ALS2: variants seen among roughly 807,000 people sequenced by gnomAD.
The protein encoded by ALS2 is alsin Rho guanine nucleotide exchange factor ALS2, also known as alsin.
In ALS2, 117 loss-of-function variants were observed where a neutral mutation model predicts 203.4. That is an observed-to-expected ratio of 0.58 (90% CI 0.50 to 0.67). The LOEUF (loss-of-function observed/expected upper bound fraction) is 0.67. Ranked by LOEUF, ALS2 falls within the 30% of genes least tolerant of loss-of-function variation. The pLI, the probability that ALS2 is intolerant of heterozygous loss-of-function variation, is 0.00. For synonymous variants in ALS2, 718 were observed against 725.9 expected (o/e 0.99, Z 0.17); for missense variants, 1,715 against 1,989.4 (o/e 0.86, Z 2.62).
At position 201,760,395 on chromosome 2, in the gene ALS2, T is replaced by G. The variant is rs6747605; in HGVS notation, c.1113+486A>C. On this transcript the variant is annotated intron_variant, in intron 4 of 33. Coordinates refer to ENST00000264276, the MANE Select transcript of ALS2 (RefSeq NM_020919.4). ...GACCACAGCTATAATTGAAAAAAACTGAAACATGTAATTGCCTGTAAGTTT... is the reference window on the plus strand; with the variant it reads ...GACCACAGCTATAATTGAAAAAAACGGAAACATGTAATTGCCTGTAAGTTT... The G allele has an allele frequency of 1.8e-3, 1,741 of 987,108 alleles. 3 individuals are homozygous for G. The highest frequency in any genetic ancestry group is 0.013 in the Middle Eastern group (25 of 1,914). 61.1% of individuals were successfully genotyped at this position (987,108 alleles called of 1,614,324 possible).
intron 12 of ALS2, among the ~76,000 whole-genome samples, chr2:201,736,164 C>T (rs2106030000): frequency 1.3e-5 from 2 of 152,152 alleles, no homozygotes; most frequent in Middle Eastern, 3.4e-3. Flanking sequence ...AACAATAAGT[C>T]CATCCATGTG....
At chr2:201,736,494 C>G (rs1192340723) in intron 12 of ALS2, among the ~76,000 whole-genome samples, 1 of 151,896 alleles carries the variant, frequency 6.6e-6, no homozygotes, top group Admixed American at 6.6e-5. Context: ...CCTTAAATGG[C>G]TACATTAGAA....
At chr2:201,773,456 C>T in intron 1 of ALS2, among the ~76,000 whole-genome samples, 1 of 152,106 alleles carries the variant, frequency 6.6e-6, no homozygotes, top group East Asian at 1.9e-4. Flanking sequence ...GAAATGATCC[C>T]TGGTTCTGCC....
intron 24 of ALS2, among the ~76,000 whole-genome samples, chr2:201,717,234 G>A (rs1012719213): frequency 1.3e-5 from 2 of 152,096 alleles, no homozygotes; most frequent in African/African-American, 4.8e-5. Context: ...AGAGGCCAAA[G>A]TGGGTGGATC....
At chr2:201,704,930 T>C (rs1210756297) in intron 31 of ALS2, among the ~76,000 whole-genome samples, 2 of 152,204 alleles carry the variant, frequency 1.3e-5, no homozygotes, top group Non-Finnish European at 2.9e-5. Context: ...CTTGGCTCTC[T>C]CCTACTTTTG....
chr2:201,744,685 T>C (rs940678169), intron 9 of ALS2, among the ~76,000 whole-genome samples: 29 of 152,160 alleles, frequency 1.9e-4, no homozygotes, highest in African/African-American at 6.3e-4. Context: ...ACATCATTGT[T>C]ATATATGCAT....
chr2:201,726,348 C>T, intron 19 of ALS2, 136 bp downstream of exon 19: 1 of 820,312 alleles, frequency 1.2e-6, no homozygotes, highest in Non-Finnish European at 2.0e-6. Context: ...TCTCTTCATG[C>T]TCATACATGT....
At chr2:201,733,463 T>A (rs749136277) in intron 12 of ALS2, 25 bp from the exon 13 acceptor site, 5 of 1,605,800 alleles carry the variant, frequency 3.1e-6, no homozygotes, top group Non-Finnish European at 4.3e-6. Context: ...AAAAAAAATT[T>A]AGTTAATCAT....
At position 201,705,479 on chromosome 2, in the gene ALS2, AATT is replaced by A. The variant is rs1368435958; in HGVS notation, c.4581-21_4581-19del. The A allele has an allele frequency of 6.3e-7, 1 of 1,595,710 alleles. No individual in the cohort carries two copies. Among genetic ancestry groups the A allele is most frequent in the Non-Finnish European group, 8.6e-7 (1 of 1,163,696 alleles). ...AAAATTTCCTATAATGGAATCCATA[AATT>A]ATTAATATAAGTTGTTACTTATGGT... On this transcript the variant is annotated intron_variant, in intron 29 of 33. Coordinates refer to ENST00000264276, the MANE Select transcript of ALS2 (RefSeq NM_020919.4).
In ALS2 at chr2:201,701,850, C is replaced by A. The variant is rs528896249; in HGVS notation, c.*1G>T. 4.3e-6 allele frequency: 7 copies of A among 1,613,524 alleles called. No homozygotes were observed. The South Asian group carries it at 5.5e-5, about 13-fold the overall frequency. On this transcript the variant is annotated 3_prime_UTR_variant, in exon 34 of 34. Transcript: ENST00000264276. ...ATCCAGTTTTCAAGCTGTTATGCAG[C>A]CTAGTTAAGCTTCTCACGCTGAATC...
chr2:201,721,768 A>G (rs1440859916), intron 23 of ALS2, among the ~76,000 whole-genome samples: 1 of 152,080 alleles, frequency 6.6e-6, no homozygotes, highest in African/African-American at 2.4e-5. Context: ...GGTTCACGCC[A>G]TTCTCCTGCC....
chr2:201,754,750 T>G (rs1693281487), intron 5 of ALS2, 79 bp from the exon 6 acceptor site: 1 of 1,508,732 alleles, frequency 6.6e-7, no homozygotes, highest in South Asian at 1.2e-5. Flanking sequence ...AAACTTAAGA[T>G]TTTCAAAAAC....
At chr2:201,765,461 G>A (rs1694028262) in intron 3 of ALS2, 1 of 166,922 alleles carries the variant, frequency 6.0e-6, no homozygotes, top group Non-Finnish European at 1.5e-5. Context: ...CACTTTTAAA[G>A]TAAGATTGTT....
Position 201,705,443 on chromosome 2 carries a change from G to A in ALS2, c.4599C>T (p.Thr1533=). The change falls in exon 30 of 34, where the codon ACC becomes ACT. Residue 1533 remains threonine (T), a synonymous_variant. Transcript: ENST00000264276. ...LGVQRKFWPA[T]LSILGESKKV... ...TTTTACTCTCTCCAAGGATTGACAA[G>A]GTTGCTGGCCAAAATTTCCTATAAT... The A allele has an allele frequency of 6.2e-7, 1 of 1,613,398 alleles. No homozygotes were observed. The highest frequency in any genetic ancestry group is 1.1e-5 in the South Asian group (1 of 91,022).
At chr2:201,741,588 A>T (rs941940784) in intron 11 of ALS2, 86 bp downstream of exon 11, 1 of 1,360,192 alleles carries the variant, frequency 7.4e-7, no homozygotes, top group African/African-American at 1.4e-5. Flanking sequence ...CACTCTCCCT[A>T]ATCTAGTCTC....
Position 201,767,216 on chromosome 2 carries a change from T to C in ALS2, c.175+13A>G. The stretch of plus-strand genomic sequence containing the variant: ...ATTGCAGTTCGTATTTGTTACGCCA[T>C]TCTTTTCATTACCTTCAGTCAGAAG... On this transcript the variant is annotated intron_variant, in intron 3 of 33. Coordinates refer to ENST00000264276, the MANE Select transcript of ALS2 (RefSeq NM_020919.4). The C allele has an allele frequency of 6.2e-7, 1 of 1,614,032 alleles. No homozygotes were observed. Among genetic ancestry groups the C allele is most frequent in the Non-Finnish European group, 8.5e-7 (1 of 1,179,948 alleles).
Position 201,710,991 on chromosome 2 carries a change from C to G in ALS2, c.4122G>C (p.Lys1374Asn). Reference protein sequence around the residue: ...KYDDIRKYLIKACDTPLHPLG... With the variant: ...KYDDIRKYLINACDTPLHPLG... Reference sequence around the variant, plus strand: ...CAATGTAATTTTTACTCTAGTTTACCTTTATTAAATATTTCCTGATGTCAT... The same window carrying G: ...CAATGTAATTTTTACTCTAGTTTACGTTTATTAAATATTTCCTGATGTCAT... The change falls in exon 26 of 34, where the codon AAG (lysine) becomes AAC (asparagine). Residue 1374 changes from lysine to asparagine, a missense_variant and splice_region_variant. Physicochemically the swap from Lys to Asn is moderately conservative, Grantham distance 94 (BLOSUM62 0). This residue lies in a region of ALS2 where 1,227 missense variants were observed against 1,413.5 expected (regional missense o/e 0.87). Transcript: ENST00000264276. The G allele has an allele frequency of 2.5e-6, 4 of 1,570,924 alleles. No individual in the cohort carries two copies. The highest frequency in any genetic ancestry group is 3.5e-6 in the Non-Finnish European group (4 of 1,141,234).
chr2:201,744,516 CAA>C (rs1225913127), intron 9 of ALS2, 87 bp from the exon 10 acceptor site: 1 of 1,314,222 alleles, frequency 7.6e-7, no homozygotes, highest in Non-Finnish European at 1.1e-6. Context: ...TATCAGCTGA[CAA>C]GAGCTAACTG....
At chr2:201,732,600 A>T (rs1237085247) in intron 13 of ALS2, among the ~76,000 whole-genome samples, 1 of 152,132 alleles carries the variant, frequency 6.6e-6, no homozygotes. Context: ...CAATAAAAAA[A>T]ACCTATAAGG....
Sources: gnomAD v4.1 joint callset for allele counts (sites outside exome capture counted in the v4.1 genomes callset) on GRCh38, gnomAD v4.1.1 for gene constraint, gnomAD v4.1.1 regional missense constraint, MANE v1.5 for transcripts, NCBI Gene and HGNC (gene_info 2026-07-23, HGNC 2026-07-21) for gene names.